The following SUGCT variants were observed in gnomAD, a reference collection of about 807,000 sequenced individuals.
SUGCT encodes succinyl-CoA:glutarate-CoA transferase.
A neutral mutation model predicts 55.0 loss-of-function variants in SUGCT; 41 were observed. The observed-to-expected ratio is 0.74, with a 90% CI of 0.58 to 0.97. The LOEUF is 0.97. Ranked by LOEUF, SUGCT falls within the 50% of genes least tolerant of loss-of-function variation. The probability of loss-of-function intolerance (pLI) is 0.00; values close to 1 mark genes in which losing one functional copy is unlikely to be tolerated. For synonymous variants in SUGCT, 187 were observed against 200.4 expected (o/e 0.93, Z 0.56); for missense variants, 568 against 547.8 (o/e 1.04, Z -0.37).
intron 9 of SUGCT, among the ~76,000 whole-genome samples, chr7:40,440,454 C>T (rs1788454774): frequency 6.6e-6 from 1 of 152,056 alleles, no homozygotes; most frequent in South Asian, 2.1e-4. Flanking sequence ...AGCCATTGCA[C>T]CCAGCCAAGT....
the SUGCT span, among the ~76,000 whole-genome samples, chr7:41,028,167 T>G: frequency 6.6e-6 from 1 of 152,080 alleles, no homozygotes; most frequent in Admixed American, 6.5e-5. Flanking sequence ...ATCCACAAAA[T>G]CAGTGCAGAG....
chr7:40,193,280 G>GTTTTTTTTT (rs752659107), intron 5 of SUGCT, among the ~76,000 whole-genome samples: 3 of 87,170 alleles, frequency 3.4e-5, no homozygotes, highest in African/African-American at 9.5e-5. Flanking sequence ...CAATTACTGT[G>GTTTTTTTTT]TTTTTTTTTT....
intron 6 of SUGCT, among the ~76,000 whole-genome samples, chr7:40,212,352 A>G (rs1163117109): frequency 1.7e-5 from 2 of 117,810 alleles, no homozygotes; most frequent in Non-Finnish European, 3.7e-5. Context: ...TTGTGCCAGG[A>G]GTTTGAGGCT....
At chr7:40,618,355 C>T (rs1799109345) in intron 12 of SUGCT, among the ~76,000 whole-genome samples, 1 of 152,186 alleles carries the variant, frequency 6.6e-6, no homozygotes, top group South Asian at 2.1e-4. Context: ...ACATCTCACT[C>T]AACAGGAATT....
At chr7:41,024,395 CTT>C in the SUGCT span, among the ~76,000 whole-genome samples, 32 of 151,982 alleles carry the variant, frequency 2.1e-4, no homozygotes, top group African/African-American at 6.8e-4. Flanking sequence ...GCAATCCAAA[CTT>C]AGTGAAAAAG....
At chr7:40,256,814 G>T (rs1368935485) in intron 7 of SUGCT, among the ~76,000 whole-genome samples, 3 of 152,050 alleles carry the variant, frequency 2.0e-5, no homozygotes, top group Non-Finnish European at 4.4e-5. Context: ...TGCCATCTCG[G>T]CTCATTGCAA....
intron 12 of SUGCT, among the ~76,000 whole-genome samples, chr7:40,573,410 C>T (rs1411060093): frequency 1.3e-5 from 2 of 152,146 alleles, no homozygotes; most frequent in Non-Finnish European, 2.9e-5. Flanking sequence ...AATTCCTTTT[C>T]CTTCCCATCC....
chr7:40,822,316 C>G (rs866198139), intron 13 of SUGCT, among the ~76,000 whole-genome samples: 1 of 152,086 alleles, frequency 6.6e-6, no homozygotes, highest in Non-Finnish European at 1.5e-5. Context: ...TCCTGGATAT[C>G]CTTGTTAACT....
intron 12 of SUGCT, among the ~76,000 whole-genome samples, chr7:40,501,500 T>C (rs1307441614): frequency 1.3e-5 from 2 of 152,106 alleles, no homozygotes; most frequent in Non-Finnish European, 2.9e-5. Flanking sequence ...TTATGGGCAT[T>C]TTATGTTCTT....
intron 13 of SUGCT, among the ~76,000 whole-genome samples, chr7:40,762,088 G>A (rs769879918): frequency 1.3e-5 from 2 of 152,200 alleles, no homozygotes; most frequent in Non-Finnish European, 2.9e-5. Flanking sequence ...ACAAGGAAAG[G>A]CATTAATAAT....
intron 13 of SUGCT, among the ~76,000 whole-genome samples, chr7:40,767,147 TTA>T (rs1788841159): frequency 6.6e-6 from 1 of 152,280 alleles, no homozygotes; most frequent in Admixed American, 6.5e-5. Flanking sequence ...AAAAGTCTAC[TTA>T]AACCACAACA....
intron 12 of SUGCT, among the ~76,000 whole-genome samples, chr7:40,727,625 C>G (rs967857858): frequency 6.6e-6 from 1 of 152,146 alleles, no homozygotes; most frequent in Non-Finnish European, 1.5e-5. Context: ...CTGAGTTTTT[C>G]AAACTTTGAT....
chr7:41,026,265 G>C, the SUGCT span, among the ~76,000 whole-genome samples: 135,884 of 152,268 alleles, frequency 0.89, 60,775 homozygotes, highest in African/African-American at 0.95. Context: ...TGATGGTCCT[G>C]TGCTGAAGGG....
At chr7:40,488,579 C>G (rs544518084) in intron 11 of SUGCT, among the ~76,000 whole-genome samples, 3 of 152,196 alleles carry the variant, frequency 2.0e-5, no homozygotes, top group African/African-American at 4.8e-5. Context: ...GAGTTTTATA[C>G]TTCAGATTTT....
intron 12 of SUGCT, among the ~76,000 whole-genome samples, chr7:40,560,385 G>A (rs1389720810): frequency 6.6e-6 from 1 of 152,144 alleles, no homozygotes; most frequent in Non-Finnish European, 1.5e-5. Flanking sequence ...GAGAGACAGA[G>A]GAAAGAATGC....
At chr7:40,669,441 G>C (rs1801824606) in intron 12 of SUGCT, among the ~76,000 whole-genome samples, 1 of 149,438 alleles carries the variant, frequency 6.7e-6, no homozygotes, top group Non-Finnish European at 1.5e-5. Context: ...TGCCAACAGA[G>C]ATGCTAGAAT....
intron 9 of SUGCT, among the ~76,000 whole-genome samples, chr7:40,363,557 C>T (rs1219103007): frequency 6.6e-6 from 1 of 152,182 alleles, no homozygotes; most frequent in Non-Finnish European, 1.5e-5. Flanking sequence ...TTTCTGCCTT[C>T]ATTTAATTAT....
At chr7:40,153,582 C>G (rs558278680) in intron 1 of SUGCT, 2 of 501,172 alleles carry the variant, frequency 4.0e-6, no homozygotes, top group Admixed American at 4.1e-5. Flanking sequence ...AACTCTTACC[C>G]CTGGGATACT....
At chr7:40,612,437 C>T (rs891415337) in intron 12 of SUGCT, among the ~76,000 whole-genome samples, 2 of 152,196 alleles carry the variant, frequency 1.3e-5, no homozygotes, top group African/African-American at 4.8e-5. Context: ...CTAGAGCCCA[C>T]ACCCAGCCAC....
Sources: allele counts gnomAD v4.1 joint callset (sites outside exome capture counted in the v4.1 genomes callset), GRCh38; gene constraint gnomAD v4.1.1; transcripts MANE v1.5; gene names NCBI Gene and HGNC (gene_info 2026-07-23, HGNC 2026-07-21).